The following GRM7 variants were observed in gnomAD, a reference collection of about 807,000 sequenced individuals.
GRM7 encodes metabotropic glutamate receptor 7.
In GRM7, 35 loss-of-function variants were observed where a neutral mutation model predicts 84.5. That is an observed-to-expected ratio of 0.41 (90% CI 0.32 to 0.55). GRM7 has a LOEUF of 0.55. GRM7 is among the 20% of genes least tolerant of loss of function. The pLI is 0.19. For synonymous variants in GRM7, 487 were observed against 455.1 expected, an observed-to-expected ratio of 1.07 and a Z score of -0.89; for missense variants, 1,003 against 1,194.6, an observed-to-expected ratio of 0.84 and a Z score of 2.36.
At chr3:7,375,243 A>C (rs1286146062) in intron 4 of GRM7, among the ~76,000 whole-genome samples, 1 of 115,508 alleles carries the variant, frequency 8.7e-6, no homozygotes, top group Non-Finnish European at 1.7e-5. Flanking sequence ...TTTGAGATGG[A>C]GTCTCACTCT....
chr3:6,917,128 A>G (rs1696968293), intron 1 of GRM7, among the ~76,000 whole-genome samples: 1 of 152,194 alleles, frequency 6.6e-6, no homozygotes, highest in African/African-American at 2.4e-5. Context: ...TCAACTGTCC[A>G]TTGATAATGT....
At chr3:7,236,163 C>T (rs113940046) in intron 2 of GRM7, among the ~76,000 whole-genome samples, 311 of 152,226 alleles carry the variant, frequency 2.0e-3, no homozygotes, top group African/African-American at 6.4e-3. Context: ...GACCTCATGA[C>T]GTGATCATCT....
At chr3:7,614,044 A>G (rs917819911) in intron 8 of GRM7, among the ~76,000 whole-genome samples, 60 of 152,166 alleles carry the variant, frequency 3.9e-4, no homozygotes, top group Non-Finnish European at 8.2e-4. Flanking sequence ...CGAGCTGATC[A>G]TCTGAGGTAA....
rs377629887 is a variant in GRM7 at position 7,512,757 on chromosome 3, C to T, written c.1515+51035C>T. ...ACATTTTTATCCAACCTGGAGGACA[C>T]TTGGGAAAGGATCTAGCAGCTGGTG... On this transcript the variant is annotated intron_variant, in intron 7 of 9. Coordinates refer to ENST00000357716, the MANE Select transcript of GRM7 (RefSeq NM_000844.4). 1.4e-4 allele frequency among the ~76,000 whole-genome samples: 21 copies of T among 152,100 alleles called. 2 individuals carry two copies. The highest frequency in any genetic ancestry group is 5.2e-4 in the Admixed American group (8 of 15,286).
chr3:7,378,010 C>T (rs1260714540), intron 4 of GRM7, among the ~76,000 whole-genome samples: 1 of 152,122 alleles, frequency 6.6e-6, no homozygotes, highest in Non-Finnish European at 1.5e-5. Flanking sequence ...CATCTGTCCC[C>T]CGCTAGGAAG....
intron 4 of GRM7, among the ~76,000 whole-genome samples, chr3:7,361,951 A>G (rs1252188257): frequency 6.6e-6 from 1 of 152,080 alleles, no homozygotes; most frequent in Admixed American, 6.6e-5. Context: ...TCTAGGGATA[A>G]TTTCTGCCGA....
chr3:7,229,759 A>ATATATATATATATAT (rs1434216248), intron 2 of GRM7, among the ~76,000 whole-genome samples: 1 of 30,422 alleles, frequency 3.3e-5, no homozygotes, highest in African/African-American at 1.3e-4. Context: ...ATATATATAT[A>ATATATATATATATAT]TTTTTTTTTT....
chr3:7,297,318 T>A lies in GRM7; in HGVS notation c.737-1366T>A, dbSNP rs1162173238. ...TGGAGATATTTTTATCTTTCTGTCATTGATTTCTACTTTGATTCTGTTATA... is the reference window on the plus strand; with the variant it reads ...TGGAGATATTTTTATCTTTCTGTCAATGATTTCTACTTTGATTCTGTTATA... On this transcript the variant is annotated intron_variant, in intron 2 of 9. Transcript: ENST00000357716. 3.3e-5 allele frequency among the ~76,000 whole-genome samples: 5 copies of A among 152,222 alleles called. No homozygotes were observed. In the South Asian group the frequency reaches 6.2e-4, roughly 19 times the overall value.
chr3:7,442,784 T>C (rs779867), intron 5 of GRM7, among the ~76,000 whole-genome samples: 108,335 of 152,004 alleles, frequency 0.71, 38,802 homozygotes, highest in Non-Finnish European at 0.75. Flanking sequence ...TCTGTAAGAC[T>C]TGACATGAGA....
intron 7 of GRM7, chr3:7,561,424 G>C (rs1179975227): frequency 4.5e-6 from 2 of 448,120 alleles, no homozygotes; most frequent in African/African-American, 4.0e-5. Context: ...ACAGTGCATG[G>C]AACACAGAAG....
At chr3:7,622,341 C>G (rs1460116003) in intron 8 of GRM7, among the ~76,000 whole-genome samples, 2 of 152,096 alleles carry the variant, frequency 1.3e-5, no homozygotes, top group South Asian at 4.1e-4. Context: ...CAAAATGCAA[C>G]AGACTGCCTT....
chr3:6,893,933 T>C (rs1191498409), intron 1 of GRM7: 1 of 152,144 alleles, frequency 6.6e-6, no homozygotes, highest in Non-Finnish European at 1.5e-5. Flanking sequence ...ATATCACTCC[T>C]TTAGCATTTT....
At chr3:7,252,334 C>A (rs1698022031) in intron 2 of GRM7, among the ~76,000 whole-genome samples, 1 of 152,188 alleles carries the variant, frequency 6.6e-6, no homozygotes, top group African/African-American at 2.4e-5. Context: ...GCCCTCAAGT[C>A]CTTCCAGATG....
chr3:7,555,153 G>A (rs1201679885), intron 7 of GRM7, among the ~76,000 whole-genome samples: 6 of 152,202 alleles, frequency 3.9e-5, no homozygotes, highest in African/African-American at 1.4e-4. Context: ...GAAATCAAAT[G>A]AAATAACTGG....
chr3:7,137,861 G>C (rs1693820236), intron 1 of GRM7, among the ~76,000 whole-genome samples: 1 of 152,044 alleles, frequency 6.6e-6, no homozygotes, highest in Non-Finnish European at 1.5e-5. Flanking sequence ...TGCCATTTTA[G>C]CTAATAAGTC....
At chr3:7,145,379 G>T (rs886449163) in intron 1 of GRM7, among the ~76,000 whole-genome samples, 1 of 152,080 alleles carries the variant, frequency 6.6e-6, no homozygotes, top group Non-Finnish European at 1.5e-5. Context: ...CAAATGTTAC[G>T]GTGCTTTGAA....
intron 8 of GRM7, among the ~76,000 whole-genome samples, chr3:7,672,776 T>G (rs2125133704): frequency 6.6e-6 from 1 of 152,174 alleles, no homozygotes; most frequent in Admixed American, 6.5e-5. Context: ...GGCTAATTTT[T>G]TTTGTATTTT....
chr3:7,345,950 C>A (rs913707102), intron 4 of GRM7, among the ~76,000 whole-genome samples: 1 of 152,046 alleles, frequency 6.6e-6, no homozygotes, highest in Non-Finnish European at 1.5e-5. Context: ...TTAACAATAT[C>A]AATACAGAAA....
At chr3:7,153,342 G>T (rs1253187598) in intron 2 of GRM7, among the ~76,000 whole-genome samples, 1 of 151,918 alleles carries the variant, frequency 6.6e-6, no homozygotes, top group African/African-American at 2.4e-5. Flanking sequence ...GTCTCTTTAT[G>T]AGTTCCACAG....
Sources: allele counts gnomAD v4.1 joint callset (sites outside exome capture counted in the v4.1 genomes callset), GRCh38; gene constraint gnomAD v4.1.1; transcripts MANE v1.5; gene names NCBI Gene and HGNC (gene_info 2026-07-23, HGNC 2026-07-21).